Variants in DGKI observed in about 807,000 individuals in gnomAD.
DGKI encodes diacylglycerol kinase iota.
In DGKI, 55 loss-of-function variants were observed where a neutral mutation model predicts 147.5. The observed-to-expected ratio is 0.37, with a 90% CI of 0.30 to 0.47. The LOEUF (loss-of-function observed/expected upper bound fraction) is 0.47, where lower values mean the gene tolerates loss of function less well. Ranked by LOEUF, DGKI falls within the 20% of genes least tolerant of loss-of-function variation. The pLI is 1.00. For synonymous variants in DGKI, 469 were observed against 477.1 expected (o/e 0.98, Z 0.22); for missense variants, 1,007 against 1,323.8 (o/e 0.76, Z 3.71).
In DGKI at chr7:137,638,489, CACACATATATATGTATATATAT is replaced by C. The variant is rs1563125303; in HGVS notation, c.804+6961_804+6982del. Among the ~76,000 whole-genome samples, 87 of 120,366 alleles carry C rather than the reference CACACATATATATGTATATATAT, an allele frequency of 7.2e-4. 5 individuals carry two copies. The highest frequency in any genetic ancestry group is 2.8e-3 in the African/African-American group (81 of 28,422). The allele number at this position is 120,366 out of a possible 152,430, so 79.0% of individuals were successfully genotyped here. A position where few individuals can be genotyped will look rare whatever the true frequency, so the allele number is the denominator to read the frequency against. ...GTGTATATATGTGTGTATATATATA[CACACATATATATGTATATATAT>C]GTGTGTATATATATACACACACATA... On this transcript the variant is annotated intron_variant, in intron 6 of 32. Transcript: ENST00000614521.
intron 28 of DGKI, among the ~76,000 whole-genome samples, chr7:137,415,855 G>C (rs1585092197): frequency 6.6e-6 from 1 of 151,930 alleles, no homozygotes; most frequent in Non-Finnish European, 1.5e-5. Context: ...CAGGTGTGGT[G>C]GTGGGCGCCC....
chr7:137,596,001 CAAAAAAAAAAAAAAAAAAA>C lies in DGKI; in HGVS notation c.1311+1827_1311+1845del, dbSNP rs71177914. ...TGGGCAACAGAGTGAGACTCCGTCT[CAAAAAAAAAAAAAAAAAAA>C]AAAAAAAAAAAAAGAAAGAAAGAAA... On this transcript the variant is annotated intron_variant, in intron 12 of 32. Coordinates refer to ENST00000614521, the MANE Select transcript of DGKI (RefSeq NM_001321708.2). Among the ~76,000 whole-genome samples, 68 of 44,410 alleles carry C rather than the reference CAAAAAAAAAAAAAAAAAAA, an allele frequency of 1.5e-3. 1 individual carries two copies. The highest frequency in any genetic ancestry group is 6.6e-3 in the Admixed American group (15 of 2,286). The allele number at this position is 44,410 out of a possible 152,430, so 29.1% of individuals were successfully genotyped here.
intron 1 of DGKI, among the ~76,000 whole-genome samples, chr7:137,767,269 A>G (rs1796040049): frequency 6.6e-6 from 1 of 152,222 alleles, no homozygotes; most frequent in South Asian, 2.1e-4. Context: ...ATAAAAGAAC[A>G]GAACAAAAAT....
At position 137,736,617 on chromosome 7, in the gene DGKI, A is replaced by G. The variant is rs1795030221; in HGVS notation, c.402-46615T>C. Among the ~76,000 whole-genome samples, 6 of 152,098 alleles carry G rather than the reference A, an allele frequency of 3.9e-5. No homozygotes were observed. In the South Asian group the frequency reaches 1.0e-3, roughly 26 times the overall value. On this transcript the variant is annotated intron_variant, in intron 1 of 32. Transcript: ENST00000614521. ...GAGAAGGTCAAACAACCACCCCACA[A>G]ATTGCATCCTGTTTGTCCTAAGTGA... is the stretch of plus-strand genomic sequence containing the variant.
chr7:137,554,702 G>A (rs1458659993), intron 19 of DGKI, among the ~76,000 whole-genome samples: 2 of 152,062 alleles, frequency 1.3e-5, no homozygotes, highest in East Asian at 3.9e-4. Context: ...GGTTGGGGGA[G>A]GGGTGAAGCA....
intron 1 of DGKI, among the ~76,000 whole-genome samples, chr7:137,839,266 G>C (rs1301587289): frequency 6.6e-6 from 1 of 152,140 alleles, no homozygotes; most frequent in African/African-American, 2.4e-5. Flanking sequence ...GTTTTAATAA[G>C]TTATGAAAGA....
At chr7:137,715,257 C>T (rs769473486) in intron 1 of DGKI, among the ~76,000 whole-genome samples, 1 of 152,214 alleles carries the variant, frequency 6.6e-6, no homozygotes, top group Non-Finnish European at 1.5e-5. Flanking sequence ...GCTAAAGCCA[C>T]AGTGAGATCA....
intron 1 of DGKI, among the ~76,000 whole-genome samples, chr7:137,814,355 C>T (rs1393438621): frequency 1.3e-5 from 2 of 152,166 alleles, no homozygotes; most frequent in Non-Finnish European, 2.9e-5. Flanking sequence ...CTCTTCTCTT[C>T]GAAGGGTTGA....
At chr7:137,572,471 G>C (rs990166105) in intron 18 of DGKI, among the ~76,000 whole-genome samples, 4 of 152,090 alleles carry the variant, frequency 2.6e-5, no homozygotes, top group Non-Finnish European at 5.9e-5. Context: ...GAGGAAGAGG[G>C]GAAGAACAGT....
At chr7:137,772,880 AC>A (rs1045195682) in intron 1 of DGKI, among the ~76,000 whole-genome samples, 24 of 152,344 alleles carry the variant, frequency 1.6e-4, no homozygotes, top group African/African-American at 5.3e-4. Context: ...AGTCAGTGTG[AC>A]CCTAGAATTA....
intron 1 of DGKI, among the ~76,000 whole-genome samples, chr7:137,794,115 C>T (rs1012402331): frequency 6.6e-6 from 1 of 152,098 alleles, no homozygotes; most frequent in Non-Finnish European, 1.5e-5. Context: ...ATGCATGTCC[C>T]CAAAAATGTT....
At chr7:137,559,790 G>A (rs555018773) in intron 19 of DGKI, among the ~76,000 whole-genome samples, 71 of 151,950 alleles carry the variant, frequency 4.7e-4, no homozygotes, top group Non-Finnish European at 1.5e-4. Context: ...TTCATGATGC[G>A]GTTTGAGAAA....
chr7:137,623,572 GA>G lies in DGKI; in HGVS notation c.805-19del, dbSNP rs1209818947. On this transcript the variant is annotated intron_variant, in intron 6 of 32. Coordinates refer to ENST00000614521, the MANE Select transcript of DGKI (RefSeq NM_001321708.2). Reference sequence around the variant, plus strand: ...TGGAAGCCCTGGGATATTAGAACAAGAGACAGATAATTTAAAACCACCTCAG... The same window carrying G: ...TGGAAGCCCTGGGATATTAGAACAAGGACAGATAATTTAAAACCACCTCAG... 1.9e-6 allele frequency: 3 copies of G among 1,609,518 alleles called. No homozygotes were observed. In the Admixed American group the frequency reaches 5.0e-5, roughly 27 times the overall value.
Position 137,388,279 on chromosome 7 carries a change from G to C in DGKI, c.*2941C>G, listed in dbSNP as rs1811239544. ...TTAAATGCACAATATTAAAATATAA[G>C]CTTGCAAAAATGACTACCTTTCAGG... On this transcript the variant is annotated 3_prime_UTR_variant, in exon 33 of 33. Transcript: ENST00000614521. The C allele has an allele frequency of 6.6e-6, 1 of 152,036 alleles. No individual in the cohort carries two copies. Among genetic ancestry groups the C allele is most frequent in the African/African-American group, 2.4e-5 (1 of 41,410 alleles). 9.4% of individuals were successfully genotyped at this position (152,036 alleles called of 1,614,324 possible). A position where few individuals can be genotyped will look rare whatever the true frequency, so the allele number is the denominator to read the frequency against.
chr7:137,433,343 A>G (rs1246983146), intron 28 of DGKI, among the ~76,000 whole-genome samples: 2 of 152,250 alleles, frequency 1.3e-5, no homozygotes, highest in Non-Finnish European at 2.9e-5. Flanking sequence ...GGTAATGATG[A>G]TAAGATATGT....
intron 1 of DGKI, chr7:137,722,275 G>A (rs1055534471): frequency 1.2e-6 from 2 of 1,609,640 alleles, no homozygotes; most frequent in Non-Finnish European, 1.7e-6. Flanking sequence ...AAAACCAGTT[G>A]GTGGTGACAA....
chr7:137,567,027 G>T (rs1333112036), intron 19 of DGKI, among the ~76,000 whole-genome samples: 1 of 115,326 alleles, frequency 8.7e-6, no homozygotes, highest in Admixed American at 8.5e-5. Context: ...CATTTTGAGA[G>T]GCCGAGGCGG....
chr7:137,543,178 G>A (rs1234671877), intron 20 of DGKI, among the ~76,000 whole-genome samples: 2 of 152,134 alleles, frequency 1.3e-5, no homozygotes, highest in Non-Finnish European at 2.9e-5. Flanking sequence ...GACTAGTCAT[G>A]ATTTATGAAA....
chr7:137,798,390 A>G (rs1024458019), intron 1 of DGKI, among the ~76,000 whole-genome samples: 3 of 152,138 alleles, frequency 2.0e-5, no homozygotes, highest in African/African-American at 7.2e-5. Context: ...ATCGCAAAAA[A>G]GAAAAGAGCA....
Sources: allele counts gnomAD v4.1 joint callset (sites outside exome capture counted in the v4.1 genomes callset), GRCh38; gene constraint gnomAD v4.1.1; transcripts MANE v1.5; gene names NCBI Gene and HGNC (gene_info 2026-07-23, HGNC 2026-07-21).